Variants in ABI3BP observed in about 807,000 individuals in gnomAD.
ABI3BP encodes ABI family member 3 binding protein.
Under a neutral mutation model 268.6 loss-of-function variants are expected in ABI3BP, and 216 were observed. The ratio of observed to expected loss-of-function variants is 0.80; its 90% confidence interval spans 0.72 to 0.90. ABI3BP has a LOEUF of 0.90. ABI3BP is among the 40% of genes least tolerant of loss of function. ABI3BP has a pLI of 0.00. For synonymous variants in ABI3BP, 730 were observed against 730.0 expected (o/e 1.00, Z 0.00); for missense variants, 2,090 against 2,182.4 (o/e 0.96, Z 0.84).
intron 1 of ABI3BP, among the ~76,000 whole-genome samples, chr3:100,980,135 G>T (rs2088559158): frequency 6.6e-6 from 1 of 152,202 alleles, no homozygotes; most frequent in South Asian, 2.1e-4. Context: ...ATACATTAGA[G>T]CAAAACCCTA....
At chr3:100,964,932 G>C (rs2080704839) in intron 1 of ABI3BP, among the ~76,000 whole-genome samples, 1 of 152,202 alleles carries the variant, frequency 6.6e-6, no homozygotes, top group Non-Finnish European at 1.5e-5. Context: ...AATATCTGAA[G>C]AGCTAGTTCC....
At chr3:100,873,017 T>A (rs2099124500) in intron 9 of ABI3BP, among the ~76,000 whole-genome samples, 1 of 152,284 alleles carries the variant, frequency 6.6e-6, no homozygotes, top group South Asian at 2.1e-4. Context: ...AGTCTAATAG[T>A]CCCCAGTTAA....
chr3:100,817,575 T>G, intron 41 of ABI3BP, 80 bp from the exon 42 acceptor site: 1 of 1,120,736 alleles, frequency 8.9e-7, no homozygotes, highest in Non-Finnish European at 1.2e-6. Flanking sequence ...GCTTCAGAAC[T>G]TAAAAGTAAG....
chr3:100,952,878 TA>T (rs1349060468), intron 1 of ABI3BP: 1 of 152,210 alleles, frequency 6.6e-6, no homozygotes, highest in Admixed American at 6.5e-5. Context: ...CTCTTTTATG[TA>T]TTCTAGATGA....
intron 2 of ABI3BP, among the ~76,000 whole-genome samples, chr3:100,920,394 G>A (rs904367348): frequency 5.9e-5 from 9 of 152,142 alleles, no homozygotes; most frequent in East Asian, 1.9e-4. Context: ...TGCCTACTCT[G>A]TGCTAGAGTC....
intron 6 of ABI3BP, among the ~76,000 whole-genome samples, chr3:100,879,336 T>C (rs1403947369): frequency 6.6e-6 from 1 of 152,208 alleles, no homozygotes; most frequent in Non-Finnish European, 1.5e-5. Flanking sequence ...TTGTTCAGGC[T>C]GTGGCTGCAG....
chr3:100,769,999 C>G (rs868479959), intron 62 of ABI3BP, among the ~76,000 whole-genome samples: 5 of 152,298 alleles, frequency 3.3e-5, no homozygotes, highest in African/African-American at 1.2e-4. Context: ...CTGTGCACTG[C>G]TCCTCTCCCT....
intron 14 of ABI3BP, among the ~76,000 whole-genome samples, chr3:100,858,735 T>A (rs1229273370): frequency 6.6e-6 from 1 of 152,146 alleles, no homozygotes; most frequent in Non-Finnish European, 1.5e-5. Context: ...CTGTTGAACA[T>A]CAACAATTCC....
At chr3:100,835,368 G>A (rs1357035481) in intron 28 of ABI3BP, among the ~76,000 whole-genome samples, 2 of 152,130 alleles carry the variant, frequency 1.3e-5, no homozygotes, top group Non-Finnish European at 2.9e-5. Context: ...TAATAAAGCT[G>A]GATAATATGG....
chr3:100,936,611 T>A (rs981377599), intron 1 of ABI3BP, among the ~76,000 whole-genome samples: 3 of 151,084 alleles, frequency 2.0e-5, no homozygotes, highest in South Asian at 4.2e-4. Flanking sequence ...GGTCCTGGAC[T>A]TTTTTTTTGG....
At chr3:100,797,703 T>C (rs2097391047) in intron 51 of ABI3BP, among the ~76,000 whole-genome samples, 1 of 152,024 alleles carries the variant, frequency 6.6e-6, no homozygotes, top group African/African-American at 2.4e-5. Flanking sequence ...GTTCTTAGAC[T>C]AGGCTGCTAA....
At chr3:100,899,561 A>G (rs773756734) in intron 3 of ABI3BP, among the ~76,000 whole-genome samples, 1 of 152,228 alleles carries the variant, frequency 6.6e-6, no homozygotes, top group African/African-American at 2.4e-5. Flanking sequence ...AATAATGCCA[A>G]GAGTTATGCT....
At chr3:100,751,906 C>T (rs1041269021) in intron 66 of ABI3BP, among the ~76,000 whole-genome samples, 1 of 152,208 alleles carries the variant, frequency 6.6e-6, no homozygotes, top group Non-Finnish European at 1.5e-5. Flanking sequence ...ATTTCCCCAG[C>T]AGTCTCCCAT....
chr3:100,768,245 C>A (rs1295584880), intron 62 of ABI3BP, among the ~76,000 whole-genome samples: 1 of 152,052 alleles, frequency 6.6e-6, no homozygotes, highest in Non-Finnish European at 1.5e-5. Flanking sequence ...CCCGCCACCA[C>A]ACCCGGCTAA....
intron 1 of ABI3BP, among the ~76,000 whole-genome samples, chr3:100,934,156 T>G: frequency 6.7e-6 from 1 of 150,088 alleles, no homozygotes; most frequent in Non-Finnish European, 1.5e-5. Flanking sequence ...AAAAAGGCCC[T>G]GGTGTGTGAT....
chr3:100,828,823 G>A (rs546185053), intron 33 of ABI3BP, among the ~76,000 whole-genome samples: 22 of 152,234 alleles, frequency 1.4e-4, no homozygotes, highest in African/African-American at 4.8e-4. Flanking sequence ...TACCAAAGAG[G>A]ACAAGAAGAG....
intron 58 of ABI3BP, among the ~76,000 whole-genome samples, chr3:100,779,551 T>C (rs904821970): frequency 6.6e-6 from 1 of 152,148 alleles, no homozygotes; most frequent in African/African-American, 2.4e-5. Flanking sequence ...TTTTAAAATC[T>C]TCAAGAAAAA....
intron 1 of ABI3BP, among the ~76,000 whole-genome samples, chr3:100,931,554 C>T (rs1382787265): frequency 1.3e-5 from 2 of 151,770 alleles, no homozygotes; most frequent in Admixed American, 1.3e-4. Context: ...TTCTATACAT[C>T]AATAATGTCC....
At chr3:100,903,796 A>G (rs1273055374) in intron 2 of ABI3BP, among the ~76,000 whole-genome samples, 1 of 152,190 alleles carries the variant, frequency 6.6e-6, no homozygotes, top group East Asian at 1.9e-4. Context: ...CATCTTACAC[A>G]GCACTATTGG....
Sources: gnomAD v4.1 joint callset for allele counts (sites outside exome capture counted in the v4.1 genomes callset) on GRCh38, gnomAD v4.1.1 for gene constraint, MANE v1.5 for transcripts, NCBI Gene and HGNC (gene_info 2026-07-23, HGNC 2026-07-21) for gene names.